Variants in OSBPL10 observed in about 807,000 individuals in gnomAD.
OSBPL10 encodes the protein oxysterol binding protein like 10.
OSBPL10 carries 49 observed loss-of-function variants against 81.7 expected under a neutral mutation model. That is an observed-to-expected ratio of 0.60 (90% confidence interval 0.48 to 0.76). The LOEUF is 0.76. Ranked by LOEUF, OSBPL10 falls within the 30% of genes least tolerant of loss-of-function variation. The probability of loss-of-function intolerance (pLI) is 0.00; values close to 1 mark genes in which losing one functional copy is unlikely to be tolerated. For missense variants in OSBPL10, 923 were observed against 987.8 expected (o/e 0.93, Z 0.88); for synonymous variants, 419 against 383.6 (o/e 1.09, Z -1.08).
chr3:32,046,562 G>T (rs1476568879), exon 2 of OSBPL10: 1 of 152,158 alleles, frequency 6.6e-6, no homozygotes, highest in African/African-American at 2.4e-5. Flanking sequence ...AAATGTTTCT[G>T]CTGCAGCAGC....
chr3:31,927,229 G>C (rs2125714274), intron 1 of OSBPL10, among the ~76,000 whole-genome samples: 1 of 152,246 alleles, frequency 6.6e-6, no homozygotes, highest in East Asian at 1.9e-4. Context: ...TACAAAAGTT[G>C]AATCTGAAAC....
intron 4 of OSBPL10, among the ~76,000 whole-genome samples, chr3:31,824,475 C>T (rs1428947813): frequency 1.3e-4 from 20 of 152,170 alleles, no homozygotes; most frequent in African/African-American, 4.3e-4. Flanking sequence ...TTCTTCAACG[C>T]ACTGAAGGAT....
chr3:32,008,115 C>A (rs1247370153), intron 2 of OSBPL10, among the ~76,000 whole-genome samples: 1 of 151,936 alleles, frequency 6.6e-6, no homozygotes, highest in Admixed American at 6.6e-5. Context: ...CATTACTCAG[C>A]CTATTACGGG....
intron 2 of OSBPL10, among the ~76,000 whole-genome samples, chr3:32,028,005 G>A (rs1224061211): frequency 6.6e-6 from 1 of 152,108 alleles, no homozygotes; most frequent in Non-Finnish European, 1.5e-5. Context: ...ATTGGGTTCT[G>A]GAAGTGAGTG....
chr3:31,840,123 G>A (rs1700456925), intron 3 of OSBPL10, among the ~76,000 whole-genome samples: 1 of 151,654 alleles, frequency 6.6e-6, no homozygotes, highest in Non-Finnish European at 1.5e-5. Flanking sequence ...TGCCAGTAAT[G>A]AATCATAGAA....
chr3:31,864,906 G>C (rs1255215688), intron 3 of OSBPL10, among the ~76,000 whole-genome samples: 1 of 152,090 alleles, frequency 6.6e-6, no homozygotes, highest in Non-Finnish European at 1.5e-5. Flanking sequence ...CCAGTGGCGT[G>C]AACAAGTAGC....
chr3:31,973,102 G>C (rs1698607597), intron 1 of OSBPL10, among the ~76,000 whole-genome samples: 1 of 152,128 alleles, frequency 6.6e-6, no homozygotes, highest in Non-Finnish European at 1.5e-5. Context: ...GTGGGAGCCA[G>C]GCAGAACTGC....
At chr3:31,845,031 G>C (rs1017360171) in intron 3 of OSBPL10, among the ~76,000 whole-genome samples, 3 of 152,198 alleles carry the variant, frequency 2.0e-5, no homozygotes, top group African/African-American at 7.2e-5. Flanking sequence ...GCAGTAAGCC[G>C]TGTTTGTGCC....
chr3:31,923,787 T>G (rs577536364), intron 1 of OSBPL10, among the ~76,000 whole-genome samples: 1 of 151,980 alleles, frequency 6.6e-6, no homozygotes, highest in South Asian at 2.1e-4. Context: ...ATCCTGTCTC[T>G]AAAAGACAGT....
intron 6 of OSBPL10, among the ~76,000 whole-genome samples, chr3:31,725,745 A>T (rs1575502547): frequency 1.3e-5 from 2 of 152,120 alleles, no homozygotes; most frequent in East Asian, 1.9e-4. Context: ...TTCTACTGGA[A>T]CTCCCGGAAG....
At chr3:31,915,767 A>AC (rs1696738357) in intron 1 of OSBPL10, among the ~76,000 whole-genome samples, 1 of 151,846 alleles carries the variant, frequency 6.6e-6, no homozygotes, top group South Asian at 2.1e-4. Context: ...AGTTGAAAAA[A>AC]AATTATCTGT....
At chr3:31,990,218 G>A (rs1489654512) in intron 2 of OSBPL10, 1 of 1,613,750 alleles carries the variant, frequency 6.2e-7, no homozygotes. Context: ...AAAGCCTTTA[G>A]TGGGCAGTCA....
rs138582282 is a variant in OSBPL10, at chr3:31,940,084, G to A, written c.281+40815C>T. On this transcript the variant is annotated intron_variant, in intron 1 of 11. Coordinates refer to ENST00000396556, the MANE Select transcript of OSBPL10 (RefSeq NM_017784.5). ...ATCCCATGATTAAGTATTTAACCAA[G>A]AGAAATAGAAATATATGTCCACAAA... Among the ~76,000 whole-genome samples, 389 of 152,290 alleles carry A rather than the reference G, an allele frequency of 2.6e-3. 4 individuals are homozygous for A. Among genetic ancestry groups the A allele is most frequent in the African/African-American group, 8.9e-3 (369 of 41,562 alleles).
At chr3:31,848,500 C>T (rs931763194) in intron 3 of OSBPL10, among the ~76,000 whole-genome samples, 1 of 152,132 alleles carries the variant, frequency 6.6e-6, no homozygotes, top group African/African-American at 2.4e-5. Context: ...AACTCATGCT[C>T]TACTACTCTC....
intron 1 of OSBPL10, among the ~76,000 whole-genome samples, chr3:32,049,182 G>A (rs1041442330): frequency 6.6e-6 from 1 of 152,142 alleles, no homozygotes; most frequent in African/African-American, 2.4e-5. Context: ...TCTGCCTATG[G>A]AGCAGCCATT....
intron 2 of OSBPL10, among the ~76,000 whole-genome samples, chr3:32,009,376 A>G (rs192419780): frequency 2.0e-5 from 3 of 152,370 alleles, no homozygotes; most frequent in Admixed American, 2.0e-4. Context: ...TGAGTCTTCA[A>G]ATCCATGTCC....
At chr3:31,808,266 C>T (rs1699571822) in intron 4 of OSBPL10, among the ~76,000 whole-genome samples, 1 of 152,146 alleles carries the variant, frequency 6.6e-6, no homozygotes, top group African/African-American at 2.4e-5. Flanking sequence ...CAAGCGCAGG[C>T]ATTTCACAGT....
At chr3:31,766,590 C>T (rs1274671714) in intron 4 of OSBPL10, among the ~76,000 whole-genome samples, 1 of 152,036 alleles carries the variant, frequency 6.6e-6, no homozygotes, top group African/African-American at 2.4e-5. Flanking sequence ...TCTTCCTCCT[C>T]AGCCCCTCAA....
chr3:32,069,265 GA>G (rs1213444029), intron 1 of OSBPL10, among the ~76,000 whole-genome samples: 6 of 152,056 alleles, frequency 3.9e-5, no homozygotes, highest in African/African-American at 1.4e-4. Flanking sequence ...AGATGAACGG[GA>G]AAGAGTTTTT....
Sources: gnomAD v4.1 joint callset for allele counts (sites outside exome capture counted in the v4.1 genomes callset) on GRCh38, gnomAD v4.1.1 for gene constraint, MANE v1.5 for transcripts, NCBI Gene and HGNC (gene_info 2026-07-23, HGNC 2026-07-21) for gene names.